Variants in CLIC5 observed in about 807,000 individuals in gnomAD.
CLIC5 encodes CLIC family member 5, also known as chloride intracellular channel protein 5.
CLIC5 carries 20 observed loss-of-function variants against 24.7 expected under a neutral mutation model. The ratio of observed to expected loss-of-function variants is 0.81; its 90% CI spans 0.57 to 1.18. The LOEUF (loss-of-function observed/expected upper bound fraction) is 1.18, where lower values mean the gene tolerates loss of function less well. CLIC5 is among the 50% of genes most tolerant of loss of function. The probability of loss-of-function intolerance (pLI) is 0.00; values close to 1 mark genes in which losing one functional copy is unlikely to be tolerated. For missense variants in CLIC5, 341 were observed against 326.1 expected (o/e 1.05, Z -0.35); for synonymous variants, 159 against 135.6 (o/e 1.17, Z -1.20).
At chr6:45,909,603 C>T in intron 5 of CLIC5, among the ~76,000 whole-genome samples, 1 of 152,192 alleles carries the variant, frequency 6.6e-6, no homozygotes, top group East Asian at 1.9e-4. Context: ...AAAATAGGCC[C>T]TCAATCTCTT....
the CLIC5 span, among the ~76,000 whole-genome samples, chr6:46,126,127 C>G: frequency 6.6e-6 from 1 of 152,134 alleles, no homozygotes; most frequent in Non-Finnish European, 1.5e-5. Flanking sequence ...ATAGCTGGCA[C>G]CTTAGGAGTC....
the CLIC5 span, among the ~76,000 whole-genome samples, chr6:46,114,676 C>T: frequency 6.6e-6 from 1 of 152,172 alleles, no homozygotes; most frequent in Non-Finnish European, 1.5e-5. Context: ...TCTGCCTATT[C>T]TAACAGTTCT....
chr6:46,102,806 T>C, the CLIC5 span: 1 of 152,142 alleles, frequency 6.6e-6, no homozygotes, highest in African/African-American at 2.4e-5. Context: ...ATATGTAACG[T>C]CCCCTGATTC....
intron 1 of CLIC5, among the ~76,000 whole-genome samples, chr6:45,998,356 C>A (rs1162991172): frequency 6.6e-6 from 1 of 152,092 alleles, no homozygotes; most frequent in African/African-American, 2.4e-5. Context: ...TGGCAGGAGC[C>A]AGGAGTCTAA....
downstream of CLIC5, among the ~76,000 whole-genome samples, chr6:45,895,096 G>T (rs1012202539): frequency 5.3e-5 from 8 of 152,030 alleles, no homozygotes; most frequent in East Asian, 3.9e-4. Flanking sequence ...ATTAAAGGTG[G>T]TTATCTGTGG....
rs994963953 is a variant in CLIC5, at chr6:45,902,923, A to T, written c.*165T>A. On this transcript the variant is annotated 3_prime_UTR_variant, in exon 6 of 6. Transcript: ENST00000339561. ...TGTGAGGAGGCCAGGGATGGTGCTGACCTTCATGAAAGATAGCAGGCTGGA... is the reference window on the plus strand; with the variant it reads ...TGTGAGGAGGCCAGGGATGGTGCTGTCCTTCATGAAAGATAGCAGGCTGGA... 1.6e-5 allele frequency: 11 copies of T among 703,740 alleles called. No individual in the cohort carries two copies. The highest frequency in any genetic ancestry group is 5.3e-5 in the Admixed American group (2 of 37,628). 43.6% of individuals were successfully genotyped at this position (703,740 alleles called of 1,614,324 possible).
At chr6:45,890,980 T>C (rs1762342654) in intron 6 of CLIC5, among the ~76,000 whole-genome samples, 1 of 152,084 alleles carries the variant, frequency 6.6e-6, no homozygotes, top group Non-Finnish European at 1.5e-5. Flanking sequence ...TACAGATAAA[T>C]AGAAGGAATA....
At chr6:46,126,645 C>T in the CLIC5 span, among the ~76,000 whole-genome samples, 1 of 152,032 alleles carries the variant, frequency 6.6e-6, no homozygotes, top group African/African-American at 2.4e-5. Context: ...GTCCTTTTCC[C>T]CTGTTATATT....
At chr6:45,897,994 A>G (rs1256852220), downstream of CLIC5, among the ~76,000 whole-genome samples, 2 of 150,864 alleles carry the variant, frequency 1.3e-5, no homozygotes, top group African/African-American at 4.9e-5. Context: ...AATTGGTTTT[A>G]GGATGGCTGG....
At chr6:45,894,923 G>C (rs574583182), downstream of CLIC5, among the ~76,000 whole-genome samples, 220 of 152,238 alleles carry the variant, frequency 1.4e-3, no homozygotes, top group Non-Finnish European at 2.4e-3. Flanking sequence ...TCTGGTCCTA[G>C]TATTGTTTGG....
intron 5 of CLIC5, chr6:45,912,037 G>T (rs1236004298): frequency 1.0e-6 from 1 of 985,606 alleles, no homozygotes; most frequent in Admixed American, 6.1e-5. Context: ...AAGCAGCAAG[G>T]GGGTAAGGAT....
At chr6:45,951,810 A>C (rs1581783501) in intron 2 of CLIC5, among the ~76,000 whole-genome samples, 1 of 152,140 alleles carries the variant, frequency 6.6e-6, no homozygotes, top group East Asian at 1.9e-4. Flanking sequence ...TCTGTAATGA[A>C]ACAAATTCCT....
At chr6:45,911,693 C>A (rs554089846) in intron 5 of CLIC5, 1 of 985,174 alleles carries the variant, frequency 1.0e-6, no homozygotes, top group Non-Finnish European at 1.2e-6. Flanking sequence ...AGCAGAAATG[C>A]AATTTGTAAA....
chr6:45,914,270 G>T lies in CLIC5; in HGVS notation c.546C>A (p.Thr182=). Residue 182 remains threonine (T), a synonymous_variant, in exon 5 of 6, where the codon ACC becomes ACA. Coordinates refer to ENST00000339561, the MANE Select transcript of CLIC5 (RefSeq NM_016929.5). ...TGGGCAACAGATTGCAGTCAGCCAGGGTCAGCTCATCCCCATCCAGGAACT... is the reference window on the plus strand; with the variant it reads ...TGGGCAACAGATTGCAGTCAGCCAGTGTCAGCTCATCCCCATCCAGGAACT... ...RRKFLDGDEL[T]LADCNLLPKL... is the part of the protein sequence containing the mutation. The T allele has an allele frequency of 1.9e-6, 3 of 1,608,286 alleles. No individual in the cohort carries two copies. In the South Asian group the frequency reaches 3.3e-5, roughly 18 times the overall value.
rs542580797 is a variant in CLIC5, at chr6:46,052,472, G to A, written c.540+27231C>T. Among the ~76,000 whole-genome samples the A allele has an allele frequency of 1.1e-3, 163 of 152,322 alleles. 1 individual carries two copies. The highest frequency in any genetic ancestry group is 3.8e-3 in the African/African-American group (158 of 41,574). ...GTTGACAAACTTCTGGAAGAGAGAA[G>A]ATAGGTAGGAAAATGTTGAGAGATA... On this transcript the variant is annotated intron_variant, in intron 1 of 5. Coordinates refer to the CLIC5 transcript ENST00000185206.
the CLIC5 span, among the ~76,000 whole-genome samples, chr6:46,115,223 CA>C: frequency 2.1e-4 from 32 of 152,152 alleles, no homozygotes; most frequent in African/African-American, 7.7e-4. Context: ...ATCATCCAAA[CA>C]GGAACAGTGA....
intron 5 of CLIC5, among the ~76,000 whole-genome samples, chr6:45,906,335 A>C (rs1762658281): frequency 6.6e-6 from 1 of 152,166 alleles, no homozygotes; most frequent in African/African-American, 2.4e-5. Context: ...TATTTCTTCC[A>C]ATTTATGAGC....
chr6:45,885,441 C>T (rs2127281027), intron 6 of CLIC5, among the ~76,000 whole-genome samples: 1 of 152,278 alleles, frequency 6.6e-6, no homozygotes, highest in South Asian at 2.1e-4. Context: ...AATACCTCCC[C>T]TAAATATTTT....
intron 4 of CLIC5, among the ~76,000 whole-genome samples, chr6:45,919,533 G>A (rs3777548): frequency 0.27 from 41,137 of 151,668 alleles, 5,922 homozygotes; most frequent in East Asian, 0.48. Flanking sequence ...ACTCCCCTGT[G>A]CTAGGAAGGG....
Sources: allele counts gnomAD v4.1 joint callset (sites outside exome capture counted in the v4.1 genomes callset), GRCh38; gene constraint gnomAD v4.1.1; transcripts MANE v1.5; gene names NCBI Gene and HGNC (gene_info 2026-07-23, HGNC 2026-07-21).